SLC22A12: variants seen among roughly 807,000 people sequenced by gnomAD.
SLC22A12 encodes organic anion transporter 4-like protein.
Under a neutral mutation model 52.7 loss-of-function variants are expected in SLC22A12, and 56 were observed. The observed-to-expected ratio is 1.06, with a 90% CI of 0.86 to 1.33. SLC22A12 has a LOEUF of 1.33. SLC22A12 is among the 40% of genes most tolerant of loss of function. The pLI is 0.00. For synonymous variants in SLC22A12, 337 were observed against 324.6 expected (o/e 1.04, Z -0.41); for missense variants, 683 against 741.5 (o/e 0.92, Z 0.92).
At position 64,591,309 on chromosome 11, in the gene SLC22A12, G is replaced by A. The variant is rs577512029; in HGVS notation, c.-248G>A. 3.4e-3 allele frequency: 1,923 copies of A among 563,880 alleles called. 5 individuals carry two copies. The highest frequency in any genetic ancestry group is 4.1e-3 in the Non-Finnish European group (1,306 of 317,976). The allele number at this position is 563,880 out of a possible 1,614,324, so 34.9% of individuals were successfully genotyped here. On this transcript the variant is annotated 5_prime_UTR_variant, in exon 1 of 10. Coordinates refer to ENST00000377574, the MANE Select transcript of SLC22A12 (RefSeq NM_144585.4). ...TCTGGAGCAGCTGCCTCTCTGGGGA[G>A]ATGCTGGAGGTCTCGGAATCACCTC... is the stretch of plus-strand genomic sequence containing the variant.
At position 64,592,847 on chromosome 11, in the gene SLC22A12, G is replaced by A. The variant is rs759979096; in HGVS notation, c.471G>A (p.Leu157=). Residue 157 remains leucine, a synonymous_variant, in exon 2 of 10, where the codon CTG becomes CTA. Coordinates refer to ENST00000377574, the MANE Select transcript of SLC22A12 (RefSeq NM_144585.4). The stretch of plus-strand genomic sequence containing the variant: ...AGTCCATCTACCTGGCTGGGATTCT[G>A]GTGGGAGCTGCTGCGTGCGGCCCTG... ...MAQSIYLAGI[L]VGAAACGPAS... 1 of 1,613,836 alleles carries A rather than the reference G, an allele frequency of 6.2e-7. No homozygotes were observed. Among genetic ancestry groups the A allele is most frequent in the African/African-American group, 1.3e-5 (1 of 74,904 alleles).
intron 4 of SLC22A12, 139 bp downstream of exon 4, chr11:64,593,942 G>A (rs565729175): frequency 3.4e-5 from 44 of 1,295,802 alleles, no homozygotes; most frequent in East Asian, 1.3e-4. Context: ...AGCCAGGAGC[G>A]TGGCAGAGTG....
intron 4 of SLC22A12, among the ~76,000 whole-genome samples, chr11:64,595,017 GGATGGTTGGAATA>G (rs1347962467): frequency 8.4e-3 from 714 of 84,928 alleles, no homozygotes; most frequent in Non-Finnish European, 0.016. Context: ...ATGGATGGAT[GGATGGTTGGAATA>G]GATGGATGGA....
chr11:64,594,534 A>G (rs1357368283), intron 4 of SLC22A12, among the ~76,000 whole-genome samples: 1 of 152,266 alleles, frequency 6.6e-6, no homozygotes, highest in Non-Finnish European at 1.5e-5. Flanking sequence ...AGATAGATAG[A>G]GACAGATAAA....
intron 4 of SLC22A12, among the ~76,000 whole-genome samples, chr11:64,596,596 G>C (rs1217049051): frequency 1.3e-5 from 2 of 152,162 alleles, no homozygotes; most frequent in Non-Finnish European, 2.9e-5. Flanking sequence ...GCAGGTGCCC[G>C]CACCCACACT....
At chr11:64,599,471 A>G (rs1399490362) in intron 6 of SLC22A12, among the ~76,000 whole-genome samples, 1 of 152,012 alleles carries the variant, frequency 6.6e-6, no homozygotes, top group African/African-American at 2.4e-5. Flanking sequence ...GCCAAACCCA[A>G]AGGGAAGCCA....
intron 9 of SLC22A12, 149 bp from the exon 10 acceptor site, chr11:64,601,339 A>AC (rs1438706330): frequency 1.3e-6 from 1 of 775,366 alleles, no homozygotes; most frequent in Non-Finnish European, 2.2e-6. Context: ...CTTCACACAC[A>AC]CCCCCAACCC....
chr11:64,596,698 C>CT (rs2039257735), intron 4 of SLC22A12, among the ~76,000 whole-genome samples: 1 of 152,196 alleles, frequency 6.6e-6, no homozygotes, highest in South Asian at 2.1e-4. Flanking sequence ...GAGAAAATTA[C>CT]ATCTCATACA....
chr11:64,593,923 C>A, intron 4 of SLC22A12, 120 bp downstream of exon 4: 1 of 1,409,224 alleles, frequency 7.1e-7, no homozygotes, highest in African/African-American at 1.4e-5. Flanking sequence ...GGTGCATGGG[C>A]TGGAGGAAAG....
chr11:64,597,831 T>C (rs2039300319), intron 4 of SLC22A12, among the ~76,000 whole-genome samples: 1 of 151,808 alleles, frequency 6.6e-6, no homozygotes, highest in African/African-American at 2.4e-5. Context: ...GGGAGACAGG[T>C]CAGTGTGAGG....
intron 9 of SLC22A12, 105 bp from the exon 10 acceptor site, chr11:64,601,383 G>T: frequency 8.4e-7 from 1 of 1,194,536 alleles, no homozygotes; most frequent in Non-Finnish European, 1.2e-6. Flanking sequence ...CTGGGCCCCC[G>T]AGAGCAGGGT....
In SLC22A12 at chr11:64,598,861, C is replaced by A; in HGVS notation, c.1008C>A (p.Ser336Arg). 6.2e-7 allele frequency: 1 copy of A among 1,612,860 alleles called. No individual in the cohort carries two copies. The highest frequency in any genetic ancestry group is 8.5e-7 in the Non-Finnish European group (1 of 1,179,984). ...EELSMGQPPA[S>R]LGTLLRMPGL... Reference sequence around the variant, plus strand: ...TGAGCATGGGCCAGCCTCCTGCCAGCCTGGGCACCCTGCTCCGCATGCCCG... The same window carrying A: ...TGAGCATGGGCCAGCCTCCTGCCAGACTGGGCACCCTGCTCCGCATGCCCG... Residue 336 changes from serine (S) to arginine (R), a missense_variant, in exon 6 of 10, where the codon AGC (serine) becomes AGA (arginine). Transcript: ENST00000377574.
intron 1 of SLC22A12, 152 bp from the exon 2 acceptor site, chr11:64,592,627 C>T: frequency 1.4e-6 from 1 of 731,672 alleles, no homozygotes; most frequent in Non-Finnish European, 2.5e-6. Flanking sequence ...TGTGGGTGCC[C>T]TCACTGTTCC....
intron 6 of SLC22A12, among the ~76,000 whole-genome samples, chr11:64,599,313 G>T (rs930399934): frequency 6.6e-6 from 1 of 151,970 alleles, no homozygotes. Context: ...GACCAAAACC[G>T]CCAAGGCCAA....
rs541910667 is a variant in SLC22A12, at chr11:64,595,994, A to G, written c.830+2191A>G. 6.5e-3 allele frequency among the ~76,000 whole-genome samples: 220 copies of G among 34,096 alleles called. 1 individual carries two copies. The highest frequency in any genetic ancestry group is 0.012 in the African/African-American group (196 of 17,004). 22.4% of individuals were successfully genotyped at this position (34,096 alleles called of 152,430 possible). A position where few individuals can be genotyped will look rare whatever the true frequency, so the allele number is the denominator to read the frequency against. On this transcript the variant is annotated intron_variant, in intron 4 of 9. Transcript: ENST00000377574. The stretch of plus-strand genomic sequence containing the variant: ...ATGGATGGATGGTTGGAATAGATGG[A>G]ATGGATGGATGGATGGATGGATGGA...
chr11:64,595,917 GGAAAA>G, intron 4 of SLC22A12, among the ~76,000 whole-genome samples: 1 of 124,234 alleles, frequency 8.0e-6, no homozygotes, highest in African/African-American at 3.1e-5. Context: ...ATAGATGGTT[GGAAAA>G]GATGGATGGA....
At chr11:64,594,104 C>T (rs891594368) in intron 4 of SLC22A12, among the ~76,000 whole-genome samples, 9 of 152,262 alleles carry the variant, frequency 5.9e-5, no homozygotes, top group Admixed American at 3.9e-4. Context: ...CCTGTCCCTG[C>T]CTGCCTTGGC....
chr11:64,600,344 AC>A, intron 7 of SLC22A12, 22 bp from the exon 8 acceptor site: 1 of 1,570,838 alleles, frequency 6.4e-7, no homozygotes, highest in Non-Finnish European at 8.6e-7. Flanking sequence ...CACCAAGCTC[AC>A]TAATCCCATC....
chr11:64,601,008 A>G lies in SLC22A12; in HGVS notation c.1598+70A>G, dbSNP rs1405830347. 2.5e-6 allele frequency: 4 copies of G among 1,569,766 alleles called. No homozygotes were observed. In the African/African-American group the frequency reaches 5.4e-5, roughly 21 times the overall value. On this transcript the variant is annotated intron_variant, in intron 9 of 9. Transcript: ENST00000377574. ...AACCCTAGCACAGGGCAGCCTGCTC[A>G]CCCATCCCCATCACTTGACAGAGGC...
Sources: gnomAD v4.1 joint callset for allele counts (sites outside exome capture counted in the v4.1 genomes callset) on GRCh38, gnomAD v4.1.1 for gene constraint, MANE v1.5 for transcripts, NCBI Gene and HGNC (gene_info 2026-07-23, HGNC 2026-07-21) for gene names.